The following PTH2R variants were observed in gnomAD, a reference collection of about 807,000 sequenced individuals.
PTH2R encodes the protein PTH2 receptor.
Under a neutral mutation model 60.3 loss-of-function variants are expected in PTH2R, and 59 were observed. The observed-to-expected ratio is 0.98, with a 90% CI of 0.79 to 1.22. PTH2R has a LOEUF of 1.22. PTH2R is among the 50% of genes most tolerant of loss of function. The pLI, the probability that PTH2R is intolerant of heterozygous loss-of-function variation, is 0.00. For missense variants in PTH2R, 749 were observed against 682.6 expected (o/e 1.10, Z -1.08); for synonymous variants, 256 against 243.8 (o/e 1.05, Z -0.47).
At chr2:208,430,360 G>C (rs1247069072) in intron 2 of PTH2R, among the ~76,000 whole-genome samples, 2 of 151,786 alleles carry the variant, frequency 1.3e-5, no homozygotes, top group Non-Finnish European at 2.9e-5. Context: ...GTTTTTGTCT[G>C]TTGGAAAATG....
At chr2:208,369,823 A>G (rs571401583) in intron 1 of PTH2R, among the ~76,000 whole-genome samples, 1 of 152,098 alleles carries the variant, frequency 6.6e-6, no homozygotes, top group South Asian at 2.1e-4. Context: ...TGCCATGTAG[A>G]TGCACCTGAT....
intron 1 of PTH2R, among the ~76,000 whole-genome samples, chr2:208,421,074 T>G (rs1477207875): frequency 6.6e-6 from 1 of 152,232 alleles, no homozygotes; most frequent in African/African-American, 2.4e-5. Context: ...AATTCACATG[T>G]AGTTAATTAA....
chr2:208,493,789 A>C lies in PTH2R; in HGVS notation c.*130A>C. 5 of 1,077,966 alleles carry C rather than the reference A, an allele frequency of 4.6e-6. No homozygotes were observed. Among genetic ancestry groups the C allele is most frequent in the Non-Finnish European group, 5.1e-6 (4 of 783,928 alleles). The allele number at this position is 1,077,966 out of a possible 1,614,324, so 66.8% of individuals were successfully genotyped here. A position where few individuals can be genotyped will look rare whatever the true frequency, so the allele number is the denominator to read the frequency against. ...AAGGTGTTACTTAATAATAGTTTTTAGGCTCCATGAATTGGCTCCTGTAAA... is the reference window on the plus strand; with the variant it reads ...AAGGTGTTACTTAATAATAGTTTTTCGGCTCCATGAATTGGCTCCTGTAAA... On this transcript the variant is annotated 3_prime_UTR_variant, in exon 13 of 13. Coordinates refer to ENST00000272847, the MANE Select transcript of PTH2R (RefSeq NM_005048.4).
At chr2:208,393,694 C>T (rs889948324) in intron 1 of PTH2R, among the ~76,000 whole-genome samples, 23 of 152,200 alleles carry the variant, frequency 1.5e-4, no homozygotes, top group African/African-American at 3.1e-4. Context: ...AACATCCCTC[C>T]GTGTGAGATC....
intron 1 of PTH2R, among the ~76,000 whole-genome samples, chr2:208,381,077 G>A (rs752967433): frequency 6.6e-6 from 1 of 152,008 alleles, no homozygotes; most frequent in Non-Finnish European, 1.5e-5. Context: ...TTTCGCATAT[G>A]TTATATATTT....
At position 208,444,848 on chromosome 2, in the gene PTH2R, G is replaced by A. The variant is rs1478819073; in HGVS notation, c.814G>A (p.Asp272Asn). 6 of 1,613,766 alleles carry A rather than the reference G, an allele frequency of 3.7e-6. No individual in the cohort carries two copies. The highest frequency in any genetic ancestry group is 5.1e-6 in the Non-Finnish European group (6 of 1,179,834). The change falls in exon 7 of 13, where the codon GAC becomes AAC. Residue 272 changes from aspartate (D) to asparagine (N), a missense_variant. By Grantham distance (23) the Asp-to-Asn change is conservative. Transcript: ENST00000272847. Reference sequence around the variant, plus strand: ...TCTCATCTTTGTGGCTTTCTTTTCGGACACCAAATACCTGTGGGGCTTCAT... The same window carrying A: ...TCTCATCTTTGTGGCTTTCTTTTCGAACACCAAATACCTGTGGGGCTTCAT... ...HNLIFVAFFS[D>N]TKYLWGFILI...
chr2:208,364,328 C>T (rs975604653), intron 1 of PTH2R, among the ~76,000 whole-genome samples: 1 of 151,968 alleles, frequency 6.6e-6, no homozygotes, highest in Non-Finnish European at 1.5e-5. Context: ...CGATTTTTTT[C>T]TATGTTTTCT....
rs1417599496 is a variant in PTH2R at position 208,443,410 on chromosome 2, C to T, written c.572C>T (p.Ala191Val). 1 of 1,612,930 alleles carries T rather than the reference C, an allele frequency of 6.2e-7. No individual in the cohort carries two copies. Among genetic ancestry groups the T allele is most frequent in the Non-Finnish European group, 8.5e-7 (1 of 1,179,500 alleles). Residue 191 changes from alanine to valine, a missense_variant, in exon 6 of 13, where the codon GCT (alanine) becomes GTT (valine). Physicochemically the swap from Ala to Val is moderately conservative, Grantham distance 64. Coordinates refer to ENST00000272847, the MANE Select transcript of PTH2R (RefSeq NM_005048.4). ...MHLFVSFMLR[A>V]TSIFVKDRVV... ...TTATTTGTGTCTTTCATGCTGAGAG[C>T]TACAAGCATCTTTGTCAAAGACAGA...
chr2:208,373,631 A>T (rs977743272), intron 1 of PTH2R, among the ~76,000 whole-genome samples: 1 of 152,064 alleles, frequency 6.6e-6, no homozygotes, highest in Non-Finnish European at 1.5e-5. Flanking sequence ...AGTCAAGATG[A>T]TCCAAATTTA....
Position 208,456,113 on chromosome 2 carries a change from G to A in PTH2R, c.915-3782G>A, listed in dbSNP as rs564489066. Among the ~76,000 whole-genome samples, 12 of 152,074 alleles carry A rather than the reference G, an allele frequency of 7.9e-5. No homozygotes were observed. In the East Asian group the frequency reaches 1.4e-3, roughly 17 times the overall value. The stretch of plus-strand genomic sequence containing the variant: ...AAAAATTAGCTGGGCGTGGTGGTGC[G>A]TGCCTGTAATTCCAAATACTTGGGA... On this transcript the variant is annotated intron_variant, in intron 8 of 12. Transcript: ENST00000272847.
At chr2:208,425,313 TA>T (rs1701835309) in intron 1 of PTH2R, among the ~76,000 whole-genome samples, 1 of 151,992 alleles carries the variant, frequency 6.6e-6, no homozygotes, top group Non-Finnish European at 1.5e-5. Flanking sequence ...GAGGACTAGC[TA>T]AAAGAGGGAC....
At chr2:208,391,348 G>A (rs925250684) in intron 1 of PTH2R, among the ~76,000 whole-genome samples, 4 of 152,192 alleles carry the variant, frequency 2.6e-5, no homozygotes, top group African/African-American at 9.6e-5. Context: ...AGGAAGAAAA[G>A]TGACCCAAGG....
chr2:208,449,322 C>G (rs1359848951), intron 7 of PTH2R, among the ~76,000 whole-genome samples: 1 of 152,124 alleles, frequency 6.6e-6, no homozygotes, highest in Admixed American at 6.6e-5. Flanking sequence ...ATTTTGACTG[C>G]TTCACCAGAA....
intron 1 of PTH2R, among the ~76,000 whole-genome samples, chr2:208,390,343 C>G (rs1701085556): frequency 6.6e-6 from 1 of 152,156 alleles, no homozygotes; most frequent in Admixed American, 6.5e-5. Context: ...GTTGAAAGTG[C>G]TCCCATACCA....
rs1220006000 is a variant in PTH2R, at chr2:208,442,534, C to T, written c.509+73C>T. On this transcript the variant is annotated intron_variant, in intron 5 of 12. Coordinates refer to ENST00000272847, the MANE Select transcript of PTH2R (RefSeq NM_005048.4). Reference sequence around the variant, plus strand: ...CTATCCAGAGAAGACATAGCGGTCTCACAATATTTTCCAAATGTTTTCCTC... The same window carrying T: ...CTATCCAGAGAAGACATAGCGGTCTTACAATATTTTCCAAATGTTTTCCTC... The T allele has an allele frequency of 1.3e-5, 15 of 1,185,904 alleles. No homozygotes were observed. In the East Asian group the frequency reaches 3.3e-4, roughly 26 times the overall value. The allele number at this position is 1,185,904 out of a possible 1,614,324, so 73.5% of individuals were successfully genotyped here. A position where few individuals can be genotyped will look rare whatever the true frequency, so the allele number is the denominator to read the frequency against.
intron 2 of PTH2R, 107 bp downstream of exon 2, chr2:208,428,410 C>A: frequency 5.3e-6 from 4 of 750,886 alleles, no homozygotes; most frequent in South Asian, 1.8e-5. Context: ...ATCAGTCAAT[C>A]CACATTTCCA....
At chr2:208,445,615 T>C (rs1450351140) in intron 7 of PTH2R, among the ~76,000 whole-genome samples, 2 of 152,204 alleles carry the variant, frequency 1.3e-5, no homozygotes, top group African/African-American at 4.8e-5. Context: ...TCAATTGCTA[T>C]TTTAATATTT....
intron 1 of PTH2R, among the ~76,000 whole-genome samples, chr2:208,423,816 G>A (rs1359913813): frequency 6.6e-6 from 1 of 152,110 alleles, no homozygotes; most frequent in Admixed American, 6.5e-5. Context: ...TTTCTTGATG[G>A]AGTGACCCTT....
chr2:208,467,201 A>T (rs553079564), intron 9 of PTH2R, among the ~76,000 whole-genome samples: 9 of 152,230 alleles, frequency 5.9e-5, no homozygotes, highest in East Asian at 1.9e-4. Flanking sequence ...AGTTAAAAAA[A>T]TTTTTGTCAG....
Sources: gnomAD v4.1 joint callset for allele counts (sites outside exome capture counted in the v4.1 genomes callset) on GRCh38, gnomAD v4.1.1 for gene constraint, MANE v1.5 for transcripts, NCBI Gene and HGNC (gene_info 2026-07-23, HGNC 2026-07-21) for gene names.